The following BANK1 variants were observed in gnomAD, a reference collection of about 807,000 sequenced individuals.
BANK1 encodes the protein B-cell scaffold protein with ankyrin repeats.
BANK1 carries 95 observed loss-of-function variants against 94.5 expected under a neutral mutation model. That is an observed-to-expected ratio of 1.00 (90% CI 0.85 to 1.19). The LOEUF (loss-of-function observed/expected upper bound fraction) is 1.19. BANK1 is among the 50% of genes most tolerant of loss of function. The pLI is 0.00. For synonymous variants in BANK1, 334 were observed against 308.4 expected (o/e 1.08, Z -0.87); for missense variants, 987 against 932.2 (o/e 1.06, Z -0.77).
chr4:101,884,775 C>T (rs1728788932), intron 5 of BANK1, among the ~76,000 whole-genome samples: 1 of 152,204 alleles, frequency 6.6e-6, no homozygotes, highest in Non-Finnish European at 1.5e-5. Context: ...ACAGTTCTAA[C>T]ACTTTAGTCC....
intron 2 of BANK1, among the ~76,000 whole-genome samples, chr4:101,832,284 A>G (rs1045495489): frequency 1.3e-5 from 2 of 152,226 alleles, no homozygotes; most frequent in South Asian, 2.1e-4. Context: ...ATTCTGGATT[A>G]TTTTTCCCAG....
At chr4:102,031,057 C>T (rs1400420101) in intron 10 of BANK1, among the ~76,000 whole-genome samples, 1 of 152,210 alleles carries the variant, frequency 6.6e-6, no homozygotes, top group Non-Finnish European at 1.5e-5. Context: ...CTCCCACCAA[C>T]AGTGTAAAAG....
intron 6 of BANK1, among the ~76,000 whole-genome samples, chr4:101,909,397 T>C (rs1722580659): frequency 6.6e-6 from 1 of 150,972 alleles, no homozygotes; most frequent in Admixed American, 6.6e-5. Context: ...TGTCGTGGGG[T>C]GGGGGTAGGG....
intron 7 of BANK1, among the ~76,000 whole-genome samples, chr4:101,925,001 C>A (rs942223050): frequency 6.6e-6 from 1 of 151,478 alleles, no homozygotes. Flanking sequence ...AAAAATTTTT[C>A]TGAGAATAAT....
chr4:101,901,470 T>C (rs1294379066), intron 6 of BANK1, among the ~76,000 whole-genome samples: 1 of 152,206 alleles, frequency 6.6e-6, no homozygotes, highest in Admixed American at 6.5e-5. Context: ...GTATACCTTT[T>C]CCCTATTTTA....
At position 101,855,160 on chromosome 4, in the gene BANK1, G is replaced by A. The variant is rs550818534; in HGVS notation, c.595G>A (p.Val199Met). Residue 199 changes from valine (V) to methionine (M), a missense_variant, in exon 3 of 17, where the codon GTG becomes ATG. Val to Met is a conservative substitution (Grantham distance 21, BLOSUM62 1). Coordinates refer to ENST00000322953, the MANE Select transcript of BANK1 (RefSeq NM_017935.5). ...TTCAAGAAACACCATACCACTAGCA[G>A]TGGTGCTTCCCACTGAAATTCCATG... ...EASRNTIPLAVVLPTEIPCEN... is the reference protein window; with the variant it reads ...EASRNTIPLAMVLPTEIPCEN... The A allele has an allele frequency of 5.0e-6, 8 of 1,613,448 alleles. No individual in the cohort carries two copies. The highest frequency in any genetic ancestry group is 1.3e-5 in the African/African-American group (1 of 75,016).
chr4:101,968,332 A>G (rs573199862), intron 7 of BANK1, among the ~76,000 whole-genome samples: 1 of 152,250 alleles, frequency 6.6e-6, no homozygotes, highest in Non-Finnish European at 1.5e-5. Context: ...TTAAACAGCC[A>G]CAGGACAAAA....
intron 1 of BANK1, among the ~76,000 whole-genome samples, chr4:101,819,376 G>A (rs2148858316): frequency 6.6e-6 from 1 of 152,206 alleles, no homozygotes; most frequent in South Asian, 2.1e-4. Context: ...AGTCCTCTAA[G>A]TCTATAAATT....
chr4:101,959,933 C>T (rs142915819), intron 7 of BANK1, among the ~76,000 whole-genome samples: 1 of 152,304 alleles, frequency 6.6e-6, no homozygotes, highest in Non-Finnish European at 1.5e-5. Flanking sequence ...AAAATGTGGT[C>T]ATTACCTTCC....
intron 6 of BANK1, among the ~76,000 whole-genome samples, chr4:101,909,795 T>C (rs1307327164): frequency 6.6e-6 from 1 of 152,222 alleles, no homozygotes; most frequent in Non-Finnish European, 1.5e-5. Context: ...TAATTTTTAT[T>C]TGTCAATCAT....
At chr4:101,923,265 T>G (rs917360252) in intron 7 of BANK1, among the ~76,000 whole-genome samples, 2 of 151,842 alleles carry the variant, frequency 1.3e-5, no homozygotes, top group African/African-American at 4.8e-5. Flanking sequence ...ATCTCTCTCA[T>G]TATACTGACT....
Position 101,870,526 on chromosome 4 carries a change from A to G in BANK1, c.785A>G (p.His262Arg), listed in dbSNP as rs1728243164. 1.2e-6 allele frequency: 2 copies of G among 1,612,384 alleles called. No individual in the cohort carries two copies. Among genetic ancestry groups the G allele is most frequent in the Admixed American group, 1.7e-5 (1 of 59,770 alleles). Residue 262 changes from histidine (H) to arginine (R), a missense_variant, in exon 5 of 17, where the codon CAT becomes CGT. His to Arg is a conservative substitution (Grantham distance 29). Transcript: ENST00000322953. ...TAAGAGTTTCCTGCTGGTTCAGTCC[A>G]TGTCAATGTCTACTGTGATGGAATC... Reference protein sequence around the residue: ...KALEFPAGSVHVNVYCDGIVK... With the variant: ...KALEFPAGSVRVNVYCDGIVK...
rs138265151 is a variant in BANK1, at chr4:101,987,414, G to C, written c.1207-34100G>C. Among the ~76,000 whole-genome samples, 491 of 152,238 alleles carry C rather than the reference G, an allele frequency of 3.2e-3. 2 individuals carry two copies. Among genetic ancestry groups the C allele is most frequent in the Non-Finnish European group, 5.7e-3 (385 of 68,004 alleles). Reference sequence around the variant, plus strand: ...ATTTTCAAGGTCTTGCTGATAATAAGTGGCAGAACCAGGATTCAAACCCAG... The same window carrying C: ...ATTTTCAAGGTCTTGCTGATAATAACTGGCAGAACCAGGATTCAAACCCAG... On this transcript the variant is annotated intron_variant, in intron 7 of 16. Coordinates refer to ENST00000322953, the MANE Select transcript of BANK1 (RefSeq NM_017935.5).
chr4:102,071,644 T>C (rs371610834), intron 14 of BANK1, among the ~76,000 whole-genome samples: 63 of 152,250 alleles, frequency 4.1e-4, no homozygotes, highest in East Asian at 1.9e-3. Context: ...CATTGTACCA[T>C]GGGGAATTGC....
intron 2 of BANK1, among the ~76,000 whole-genome samples, chr4:101,834,796 A>G (rs1196855620): frequency 6.6e-6 from 1 of 152,212 alleles, no homozygotes; most frequent in East Asian, 1.9e-4. Context: ...TAACAATGCC[A>G]GGAAAGTCAT....
intron 5 of BANK1, 69 bp from the exon 6 acceptor site, chr4:101,895,233 TAAA>T: frequency 1.2e-6 from 1 of 802,092 alleles, no homozygotes; most frequent in Non-Finnish European, 2.0e-6. Flanking sequence ...AAATTTTTGT[TAAA>T]TTGCACTAAA....
chr4:101,948,458 T>A (rs1331472046), intron 7 of BANK1, among the ~76,000 whole-genome samples: 1 of 152,156 alleles, frequency 6.6e-6, no homozygotes, highest in Non-Finnish European at 1.5e-5. Context: ...TTAGATTTTA[T>A]CTTCTTTACA....
At chr4:101,988,705 T>C (rs1056429938) in intron 7 of BANK1, among the ~76,000 whole-genome samples, 3 of 152,188 alleles carry the variant, frequency 2.0e-5, no homozygotes, top group Non-Finnish European at 4.4e-5. Context: ...GTATTAGTCT[T>C]TGAATCATTC....
chr4:101,919,357 C>T (rs1578398640), intron 7 of BANK1, among the ~76,000 whole-genome samples: 1 of 152,080 alleles, frequency 6.6e-6, no homozygotes, highest in South Asian at 2.1e-4. Context: ...TCTTCCACTT[C>T]TTGCTCTCCA....
Sources: gnomAD v4.1 joint callset for allele counts (sites outside exome capture counted in the v4.1 genomes callset) on GRCh38, gnomAD v4.1.1 for gene constraint, MANE v1.5 for transcripts, NCBI Gene and HGNC (gene_info 2026-07-23, HGNC 2026-07-21) for gene names.